The following PLCB1 variants were observed in gnomAD, a reference collection of about 807,000 sequenced individuals.
The protein encoded by PLCB1 is phospholipase C beta 1.
A neutral mutation model predicts 161.8 loss-of-function variants in PLCB1; 46 were observed. The observed-to-expected ratio is 0.28, with a 90% CI of 0.22 to 0.36. The LOEUF is 0.36. Ranked by LOEUF, PLCB1 falls within the 10% of genes least tolerant of loss-of-function variation. The pLI is 1.00. For missense variants in PLCB1, 1,016 were observed against 1,472.5 expected (o/e 0.69, Z 5.07); for synonymous variants, 517 against 503.7 (o/e 1.03, Z -0.35).
intron 2 of PLCB1, among the ~76,000 whole-genome samples, chr20:8,288,052 A>C (rs1480170110): frequency 6.6e-6 from 1 of 152,184 alleles, no homozygotes; most frequent in Non-Finnish European, 1.5e-5. Flanking sequence ...CTGAGGTGTA[A>C]CTGTCTATTA....
intron 3 of PLCB1, among the ~76,000 whole-genome samples, chr20:8,406,178 G>A (rs6055796): frequency 6.6e-6 from 1 of 152,192 alleles, no homozygotes; most frequent in Non-Finnish European, 1.5e-5. Context: ...GATGGAAGAA[G>A]GAAAATATGT....
intron 31 of PLCB1, among the ~76,000 whole-genome samples, chr20:8,791,713 A>G (rs148563671): frequency 4.8e-4 from 73 of 152,208 alleles, no homozygotes; most frequent in Middle Eastern, 6.8e-3. Context: ...ATGTGAATGT[A>G]AAATCATTAA....
intron 3 of PLCB1, among the ~76,000 whole-genome samples, chr20:8,500,738 C>G (rs1983371951): frequency 6.6e-6 from 1 of 152,060 alleles, no homozygotes; most frequent in South Asian, 2.1e-4. Flanking sequence ...ATTACTAGCC[C>G]ATGCTCAAAT....
intron 31 of PLCB1, among the ~76,000 whole-genome samples, chr20:8,878,942 C>T (rs925453988): frequency 1.1e-4 from 17 of 152,010 alleles, no homozygotes; most frequent in Non-Finnish European, 2.5e-4. Context: ...ATTAGTTTTT[C>T]AAGGCTTGCC....
intron 23 of PLCB1, among the ~76,000 whole-genome samples, chr20:8,742,716 CAT>C (rs1384849180): frequency 2.6e-5 from 4 of 152,168 alleles, no homozygotes; most frequent in Admixed American, 2.6e-4. Flanking sequence ...TCTTCTATGA[CAT>C]GACTTTTAAT....
At chr20:8,693,216 G>T (rs565021766) in intron 10 of PLCB1, among the ~76,000 whole-genome samples, 1 of 152,158 alleles carries the variant, frequency 6.6e-6, no homozygotes, top group African/African-American at 2.4e-5. Context: ...TGGGGAATAT[G>T]TACAAACACA....
At chr20:8,355,018 C>T (rs572998090) in intron 2 of PLCB1, among the ~76,000 whole-genome samples, 2 of 152,148 alleles carry the variant, frequency 1.3e-5, no homozygotes, top group South Asian at 4.2e-4. Context: ...ATGTATCTGG[C>T]GTATTAGAGT....
At chr20:8,661,565 A>G (rs1180280660) in intron 9 of PLCB1, among the ~76,000 whole-genome samples, 3 of 152,098 alleles carry the variant, frequency 2.0e-5, no homozygotes, top group African/African-American at 7.2e-5. Flanking sequence ...TGAGGAGTTA[A>G]AAGTCAAATT....
chr20:8,339,118 A>G (rs921498157), intron 2 of PLCB1, among the ~76,000 whole-genome samples: 2 of 152,204 alleles, frequency 1.3e-5, no homozygotes, highest in African/African-American at 4.8e-5. Flanking sequence ...AATTTTGTAC[A>G]GGTCTTCTCA....
intron 2 of PLCB1, among the ~76,000 whole-genome samples, chr20:8,176,247 C>A (rs972109056): frequency 6.6e-6 from 1 of 152,130 alleles, no homozygotes; most frequent in Non-Finnish European, 1.5e-5. Context: ...AGACCAGATG[C>A]CTTCAGTGAG....
intron 2 of PLCB1, among the ~76,000 whole-genome samples, chr20:8,365,607 T>A (rs1299096196): frequency 6.6e-6 from 1 of 152,214 alleles, no homozygotes; most frequent in Admixed American, 6.5e-5. Flanking sequence ...CTGCTTCTTG[T>A]TAAATGAAAA....
chr20:8,724,271 G>A (rs1004379708), intron 15 of PLCB1, among the ~76,000 whole-genome samples: 1 of 151,934 alleles, frequency 6.6e-6, no homozygotes, highest in Non-Finnish European at 1.5e-5. Context: ...ACCCTGCAAT[G>A]GAAGATGAGC....
At chr20:8,424,842 G>C (rs144455166) in intron 3 of PLCB1, among the ~76,000 whole-genome samples, 1 of 152,260 alleles carries the variant, frequency 6.6e-6, no homozygotes, top group Non-Finnish European at 1.5e-5. Flanking sequence ...AAGGAAAGCA[G>C]GGATTTATTG....
chr20:8,779,908 T>A (rs1983129123), intron 27 of PLCB1, among the ~76,000 whole-genome samples: 1 of 152,156 alleles, frequency 6.6e-6, no homozygotes, highest in Non-Finnish European at 1.5e-5. Flanking sequence ...CCTCCCTACA[T>A]CCACAGTAGA....
At chr20:8,288,657 T>C (rs1346605151) in intron 2 of PLCB1, among the ~76,000 whole-genome samples, 3 of 151,992 alleles carry the variant, frequency 2.0e-5, no homozygotes, top group Non-Finnish European at 4.4e-5. Context: ...CCAACAACAG[T>C]CCTTCAGAGA....
chr20:8,694,809 A>T, intron 10 of PLCB1, among the ~76,000 whole-genome samples: 1 of 152,200 alleles, frequency 6.6e-6, no homozygotes, highest in East Asian at 1.9e-4. Context: ...TACACACAAA[A>T]ATCTGCTCTA....
rs539162660 is a variant in PLCB1 at position 8,687,224 on chromosome 20, T to A, written c.1009+2146T>A. ...ATTTCTTGTAAAGACAAGGTCTCAC[T>A]ATGTTGCCCAGGCTGGACTCAGACT... On this transcript the variant is annotated intron_variant, in intron 10 of 31. Transcript: ENST00000338037. 1.2e-3 allele frequency among the ~76,000 whole-genome samples: 190 copies of A among 152,150 alleles called. 2 individuals are homozygous for A. The highest frequency in any genetic ancestry group is 2.4e-3 in the Non-Finnish European group (165 of 67,990).
intron 3 of PLCB1, among the ~76,000 whole-genome samples, chr20:8,559,949 A>G (rs1250771290): frequency 6.6e-6 from 1 of 151,860 alleles, no homozygotes; most frequent in Non-Finnish European, 1.5e-5. Context: ...TCCTTCTTTT[A>G]GGAGGCAAGT....
chr20:8,686,228 G>T (rs1990353880), intron 10 of PLCB1, among the ~76,000 whole-genome samples: 1 of 152,164 alleles, frequency 6.6e-6, no homozygotes, highest in East Asian at 1.9e-4. Flanking sequence ...GTTCAAGGAG[G>T]TTCATGGAAT....
Sources: gnomAD v4.1 joint callset for allele counts (sites outside exome capture counted in the v4.1 genomes callset) on GRCh38, gnomAD v4.1.1 for gene constraint, MANE v1.5 for transcripts, NCBI Gene and HGNC (gene_info 2026-07-23, HGNC 2026-07-21) for gene names.